Variants in AGBL1 observed in about 807,000 individuals in gnomAD.
The protein encoded by AGBL1 is AGBL carboxypeptidase 1.
A neutral mutation model predicts 118.9 loss-of-function variants in AGBL1; 130 were observed. The observed-to-expected ratio is 1.09, with a 90% CI of 0.95 to 1.26. The LOEUF is 1.26. Ranked by LOEUF, AGBL1 falls within the 50% of genes most tolerant of loss-of-function variation. The pLI, the probability that AGBL1 is intolerant of heterozygous loss-of-function variation, is 0.00. For missense variants in AGBL1, 1,584 were observed against 1,298.1 expected, an observed-to-expected ratio of 1.22 and a Z score of -3.38; for synonymous variants, 555 against 478.9, an observed-to-expected ratio of 1.16 and a Z score of -2.08.
chr15:86,205,716 C>T (rs1455653832), intron 5 of AGBL1, among the ~76,000 whole-genome samples: 1 of 152,190 alleles, frequency 6.6e-6, no homozygotes. Context: ...TGCTGTGAAG[C>T]ATCTTTCCCT....
At chr15:86,116,890 A>T (rs1331239840) in intron 1 of AGBL1, among the ~76,000 whole-genome samples, 5 of 151,868 alleles carry the variant, frequency 3.3e-5, no homozygotes, top group Admixed American at 3.3e-4. Context: ...GACAACCCTA[A>T]TACAGTTGGT....
chr15:86,844,311 A>C (rs1361318178), intron 22 of AGBL1, among the ~76,000 whole-genome samples: 6 of 152,158 alleles, frequency 3.9e-5, no homozygotes, highest in Non-Finnish European at 8.8e-5. Flanking sequence ...AAGTGGCTGT[A>C]CCTTTTACAA....
chr15:86,159,649 C>T (rs1012850859), intron 5 of AGBL1, among the ~76,000 whole-genome samples: 1 of 151,930 alleles, frequency 6.6e-6, no homozygotes, highest in African/African-American at 2.4e-5. Context: ...GACATGAAGG[C>T]TTTAGAGATA....
intron 18 of AGBL1, among the ~76,000 whole-genome samples, chr15:86,416,669 C>A (rs2081700534): frequency 6.6e-6 from 1 of 152,156 alleles, no homozygotes; most frequent in Non-Finnish European, 1.5e-5. Context: ...CACTGAGAGA[C>A]TCAGCCATAA....
At chr15:86,827,958 T>TTTTTTTA (rs2079054035) in intron 22 of AGBL1, among the ~76,000 whole-genome samples, 1 of 133,934 alleles carries the variant, frequency 7.5e-6, no homozygotes, top group African/African-American at 2.8e-5. Flanking sequence ...TTTTTTTTTT[T>TTTTTTTA]GAGACAGTAT....
intron 21 of AGBL1, among the ~76,000 whole-genome samples, chr15:86,645,013 CTG>C (rs1450003200): frequency 3.3e-5 from 5 of 151,942 alleles, no homozygotes; most frequent in Non-Finnish European, 5.9e-5. Context: ...AAGAGCGAGA[CTG>C]TCTCCAAAAC....
At chr15:86,232,597 C>A (rs1166205711) in intron 6 of AGBL1, among the ~76,000 whole-genome samples, 1 of 152,046 alleles carries the variant, frequency 6.6e-6, no homozygotes, top group Non-Finnish European at 1.5e-5. Context: ...TGGGAACAGC[C>A]GATGGAATTT....
At chr15:86,219,588 A>G (rs974253076) in intron 5 of AGBL1, among the ~76,000 whole-genome samples, 1 of 151,876 alleles carries the variant, frequency 6.6e-6, no homozygotes, top group Non-Finnish European at 1.5e-5. Flanking sequence ...CAGTCCTGCC[A>G]CTCAAAGATG....
intron 23 of AGBL1, among the ~76,000 whole-genome samples, chr15:86,929,373 C>G (rs2080580095): frequency 1.3e-5 from 2 of 152,172 alleles, no homozygotes; most frequent in Admixed American, 6.5e-5. Flanking sequence ...TTTTTTAATA[C>G]TCTTTCCTCA....
chr15:86,216,074 C>G (rs2078182974), intron 5 of AGBL1, among the ~76,000 whole-genome samples: 1 of 152,126 alleles, frequency 6.6e-6, no homozygotes, highest in African/African-American at 2.4e-5. Context: ...TATAGAGATA[C>G]AATTGACGTT....
chr15:86,440,588 C>G (rs1007044950), intron 18 of AGBL1, among the ~76,000 whole-genome samples: 3 of 152,054 alleles, frequency 2.0e-5, no homozygotes, highest in Admixed American at 1.3e-4. Context: ...ATTTATTCCT[C>G]ATAACCATCC....
chr15:86,546,379 A>G (rs529004453), intron 20 of AGBL1, among the ~76,000 whole-genome samples: 6 of 152,220 alleles, frequency 3.9e-5, no homozygotes, highest in Middle Eastern at 3.4e-3. Context: ...TTGATATTGT[A>G]TAAAAGGCAT....
At chr15:87,022,928 C>A (rs376845801) in intron 24 of AGBL1, among the ~76,000 whole-genome samples, 1 of 152,048 alleles carries the variant, frequency 6.6e-6, no homozygotes, top group Non-Finnish European at 1.5e-5. Flanking sequence ...TTACCACTAC[C>A]ATGCCACCAC....
intron 5 of AGBL1, among the ~76,000 whole-genome samples, chr15:86,212,013 C>T (rs1246181277): frequency 3.3e-5 from 5 of 152,070 alleles, no homozygotes; most frequent in African/African-American, 1.2e-4. Context: ...TCCTGGAATT[C>T]TTGTTTATTT....
chr15:86,753,473 C>G (rs2077886633), intron 22 of AGBL1, among the ~76,000 whole-genome samples: 1 of 147,960 alleles, frequency 6.8e-6, no homozygotes, highest in Non-Finnish European at 1.5e-5. Context: ...TCTTGACTCA[C>G]TGCAACTTTT....
In AGBL1 at chr15:86,913,384, C is replaced by T. The variant is rs2080378284; in HGVS notation, c.*6090C>T. 6.6e-6 allele frequency: 1 copy of T among 152,162 alleles called. No homozygotes were observed. Among genetic ancestry groups the T allele is most frequent in the Admixed American group, 6.5e-5 (1 of 15,276 alleles). The allele number at this position is 152,162 out of a possible 1,614,324, so 9.4% of individuals were successfully genotyped here. A position where few individuals can be genotyped will look rare whatever the true frequency, so the allele number is the denominator to read the frequency against. On this transcript the variant is annotated 3_prime_UTR_variant, in exon 23 of 23. Coordinates refer to ENST00000614907, the MANE Select transcript of AGBL1 (RefSeq NM_001386094.1). ...GGCCTTTTGGGCAGAAGACGGGACTCATCTCTCATTAGCATGTGACATAAA... is the reference window on the plus strand; with the variant it reads ...GGCCTTTTGGGCAGAAGACGGGACTTATCTCTCATTAGCATGTGACATAAA...
intron 23 of AGBL1, among the ~76,000 whole-genome samples, chr15:86,936,086 G>A (rs529759252): frequency 5.7e-4 from 87 of 152,328 alleles, no homozygotes; most frequent in African/African-American, 2.0e-3. Context: ...CGGGCTGCTC[G>A]GCAGGTGCAG....
chr15:86,642,623 A>ATATAT (rs147109707), intron 21 of AGBL1, among the ~76,000 whole-genome samples: 84,053 of 151,320 alleles, frequency 0.56, 23,738 homozygotes, highest in Middle Eastern at 0.64. Context: ...TACTTATTAA[A>ATATAT]TAATATTTAA....
chr15:86,289,361 C>T (rs1283689223), intron 16 of AGBL1, among the ~76,000 whole-genome samples: 1 of 152,024 alleles, frequency 6.6e-6, no homozygotes. Context: ...GGGTTTATAA[C>T]TTTACTAGTG....
Sources: allele counts gnomAD v4.1 joint callset (sites outside exome capture counted in the v4.1 genomes callset), GRCh38; gene constraint gnomAD v4.1.1; transcripts MANE v1.5; gene names NCBI Gene and HGNC (gene_info 2026-07-23, HGNC 2026-07-21).